Variants in SORCS3 observed in about 807,000 individuals in gnomAD.
SORCS3 encodes the protein VPS10 domain-containing receptor SorCS3.
A neutral mutation model predicts 146.3 loss-of-function variants in SORCS3; 57 were observed. The observed-to-expected ratio is 0.39, with a 90% CI of 0.31 to 0.49. The LOEUF (loss-of-function observed/expected upper bound fraction) is 0.49, where lower values mean the gene tolerates loss of function less well. Ranked by LOEUF, SORCS3 falls within the 20% of genes least tolerant of loss-of-function variation. SORCS3 has a pLI of 0.92. For synonymous variants in SORCS3, 653 were observed against 618.5 expected, an observed-to-expected ratio of 1.06 and a Z score of -0.83; for missense variants, 1,341 against 1,575.5, an observed-to-expected ratio of 0.85 and a Z score of 2.52.
chr10:105,197,018 T>C (rs1201879211), intron 14 of SORCS3, among the ~76,000 whole-genome samples: 1 of 152,174 alleles, frequency 6.6e-6, no homozygotes, highest in African/African-American at 2.4e-5. Flanking sequence ...ACTCCAATTT[T>C]GGCTTCTGTC....
At chr10:104,733,935 T>A (rs1452860428) in intron 1 of SORCS3, among the ~76,000 whole-genome samples, 3 of 152,188 alleles carry the variant, frequency 2.0e-5, no homozygotes, top group Non-Finnish European at 2.9e-5. Flanking sequence ...AGATGCATGA[T>A]GGTGCCTGGA....
intron 2 of SORCS3, among the ~76,000 whole-genome samples, chr10:104,896,286 G>C (rs182035816): frequency 7.9e-5 from 12 of 152,318 alleles, no homozygotes; most frequent in Middle Eastern, 3.4e-3. Context: ...AAGGAATTCA[G>C]GGAATGGGAA....
chr10:104,832,718 CAAATAAATAAAT>C (rs148553473), intron 1 of SORCS3, among the ~76,000 whole-genome samples: 7 of 133,644 alleles, frequency 5.2e-5, no homozygotes, highest in East Asian at 2.1e-4. Context: ...AACTCCATCT[CAAATAAATAAAT>C]AAATAAATAA....
chr10:105,167,460 CATTT>C (rs2056323590), intron 13 of SORCS3, 111 bp downstream of exon 13: 1 of 739,264 alleles, frequency 1.4e-6, no homozygotes, highest in African/African-American at 1.8e-5. Flanking sequence ...TTTCCTCATC[CATTT>C]ATTTATCCAT....
At chr10:105,055,085 T>G (rs2055437572) in intron 5 of SORCS3, among the ~76,000 whole-genome samples, 1 of 152,194 alleles carries the variant, frequency 6.6e-6, no homozygotes, top group African/African-American at 2.4e-5. Context: ...TTTGTCTCTC[T>G]TTTTATTCCA....
At chr10:105,111,022 C>G (rs1262627901) in intron 7 of SORCS3, among the ~76,000 whole-genome samples, 2 of 152,104 alleles carry the variant, frequency 1.3e-5, no homozygotes, top group Non-Finnish European at 2.9e-5. Context: ...GACCTGGATC[C>G]TACCTACTCC....
intron 4 of SORCS3, among the ~76,000 whole-genome samples, chr10:104,986,416 C>G (rs975122626): frequency 7.2e-5 from 11 of 152,124 alleles, no homozygotes; most frequent in African/African-American, 2.7e-4. Context: ...CTAAAACTTT[C>G]TTTATATCAG....
intron 1 of SORCS3, among the ~76,000 whole-genome samples, chr10:104,812,815 G>A (rs2017755232): frequency 6.6e-6 from 1 of 152,176 alleles, no homozygotes; most frequent in Non-Finnish European, 1.5e-5. Flanking sequence ...CTCTCAAAGG[G>A]TAACCAGAGC....
rs1324590640 is a variant in SORCS3, at chr10:105,223,240, T to C, written c.2859T>C (p.Asn953=). ...GTLTYFWWFG[N]STKPLITLDS... is the part of the protein sequence containing the mutation. ...TTACCTATTTCTGGTGGTTCGGCAA[T>C]AGCACAAAGGTTTGGCCCTTTCTGA... Residue 953 remains asparagine, a synonymous_variant, in exon 20 of 27, where the codon AAT becomes AAC. Coordinates refer to ENST00000369701, the MANE Select transcript of SORCS3 (RefSeq NM_014978.3). The C allele has an allele frequency of 6.2e-7, 1 of 1,611,764 alleles. No homozygotes were observed.
rs567905227 is a variant in SORCS3 at position 105,140,988 on chromosome 10, G to A, written c.1302+1502G>A. On this transcript the variant is annotated intron_variant, in intron 8 of 26. Transcript: ENST00000369701. ...TGCTCTTTCTAAAGGAGAATGCCCC[G>A]TTACAGTAACCAGAAGGTCTCCCAT... Among the ~76,000 whole-genome samples, 52 of 152,308 alleles carry A rather than the reference G, an allele frequency of 3.4e-4. 1 individual carries two copies. In the South Asian group the frequency reaches 7.7e-3, roughly 22 times the overall value.
At chr10:105,168,167 T>C (rs779064630) in intron 13 of SORCS3, among the ~76,000 whole-genome samples, 1 of 151,826 alleles carries the variant, frequency 6.6e-6, no homozygotes, top group Admixed American at 6.6e-5. Context: ...AGTTAGACTA[T>C]AATAGATTTA....
intron 20 of SORCS3, among the ~76,000 whole-genome samples, chr10:105,242,299 T>C (rs1374527034): frequency 7.4e-6 from 1 of 135,712 alleles, no homozygotes; most frequent in Non-Finnish European, 1.5e-5. Flanking sequence ...TATATATATT[T>C]ATACATATAT....
chr10:104,751,237 A>G (rs2016979764), intron 1 of SORCS3, among the ~76,000 whole-genome samples: 1 of 152,238 alleles, frequency 6.6e-6, no homozygotes, highest in African/African-American at 2.4e-5. Flanking sequence ...CATTTCTAAT[A>G]GGAATGCCTG....
At chr10:104,719,977 G>A (rs1452810064) in intron 1 of SORCS3, among the ~76,000 whole-genome samples, 4 of 144,008 alleles carry the variant, frequency 2.8e-5, no homozygotes, top group Non-Finnish European at 4.7e-5. Context: ...TCTGCTCATA[G>A]GTTTTTTTTT....
At chr10:105,096,103 T>TACACACACAC (rs60438282) in intron 6 of SORCS3, among the ~76,000 whole-genome samples, 16,591 of 145,150 alleles carry the variant, frequency 0.11, 1,198 homozygotes, top group Middle Eastern at 0.17. Context: ...ACCTCACAAA[T>TACACACACAC]ACACACACAC....
chr10:104,653,356 CT>C (rs2015586336), intron 1 of SORCS3, among the ~76,000 whole-genome samples: 1 of 152,054 alleles, frequency 6.6e-6, no homozygotes, highest in Non-Finnish European at 1.5e-5. Context: ...CTAATTTGTA[CT>C]GATTTCTTTC....
chr10:105,222,964 C>T (rs995588626), intron 19 of SORCS3, 152 bp from the exon 20 acceptor site: 6 of 703,762 alleles, frequency 8.5e-6, no homozygotes, highest in East Asian at 5.8e-5. Context: ...TCATTTCAAG[C>T]GTGTATACAC....
At chr10:104,873,320 AATCCATTC>A (rs1374895816) in intron 2 of SORCS3, among the ~76,000 whole-genome samples, 1 of 152,194 alleles carries the variant, frequency 6.6e-6, no homozygotes, top group Non-Finnish European at 1.5e-5. Context: ...CCTTGCTGGA[AATCCATTC>A]ATTCCTAAAT....
chr10:105,028,849 A>G (rs952721145), intron 4 of SORCS3, among the ~76,000 whole-genome samples: 1 of 152,202 alleles, frequency 6.6e-6, no homozygotes, highest in Non-Finnish European at 1.5e-5. Context: ...GGCACTCAGG[A>G]TAAAGTTCCA....
Sources: gnomAD v4.1 joint callset for allele counts (sites outside exome capture counted in the v4.1 genomes callset) on GRCh38, gnomAD v4.1.1 for gene constraint, MANE v1.5 for transcripts, NCBI Gene and HGNC (gene_info 2026-07-23, HGNC 2026-07-21) for gene names.